The following ERC1 variants were observed in gnomAD, a reference collection of about 807,000 sequenced individuals.
The protein encoded by ERC1 is RAB6 interacting protein 2.
Under a neutral mutation model 132.0 loss-of-function variants are expected in ERC1, and 56 were observed. That is an observed-to-expected ratio of 0.42 (90% CI 0.34 to 0.53). The LOEUF is 0.53. Ranked by LOEUF, ERC1 falls within the 20% of genes least tolerant of loss-of-function variation. The probability of loss-of-function intolerance (pLI) is 0.03; values close to 1 mark genes in which losing one functional copy is unlikely to be tolerated. For missense variants in ERC1, 1,202 were observed against 1,349.9 expected (o/e 0.89, Z 1.72); for synonymous variants, 478 against 476.1 (o/e 1.00, Z -0.05).
chr12:1,222,224 C>CTTTTTTTTTT (rs398116013), intron 12 of ERC1, among the ~76,000 whole-genome samples: 1 of 145,958 alleles, frequency 6.9e-6, no homozygotes, highest in Non-Finnish European at 1.5e-5. Flanking sequence ...TACATATTCT[C>CTTTTTTTTTT]TTTTTTTTTT....
intron 17 of ERC1, among the ~76,000 whole-genome samples, chr12:1,409,991 G>A (rs983809747): frequency 2.5e-4 from 38 of 152,202 alleles, no homozygotes; most frequent in African/African-American, 8.4e-4. Flanking sequence ...TTACAGGTAT[G>A]AGCCACCATA....
At chr12:1,136,722 T>C (rs904678762) in intron 7 of ERC1, among the ~76,000 whole-genome samples, 2 of 152,228 alleles carry the variant, frequency 1.3e-5, no homozygotes, top group Non-Finnish European at 2.9e-5. Context: ...TCTGTTACTT[T>C]ATGCCAAGCA....
chr12:1,148,326 A>G (rs1235427623), intron 8 of ERC1, among the ~76,000 whole-genome samples: 3 of 152,140 alleles, frequency 2.0e-5, no homozygotes, highest in Non-Finnish European at 4.4e-5. Flanking sequence ...TAATCATGGC[A>G]GAAGGTGAAG....
At chr12:1,469,924 G>T (rs560958837) in intron 18 of ERC1, among the ~76,000 whole-genome samples, 3 of 144,744 alleles carry the variant, frequency 2.1e-5, no homozygotes, top group African/African-American at 7.7e-5. Context: ...TCCCTGTGGT[G>T]TGCCATGAAC....
intron 13 of ERC1, among the ~76,000 whole-genome samples, chr12:1,254,943 CTT>C (rs59417058): frequency 7.9e-5 from 11 of 139,784 alleles, no homozygotes; most frequent in African/African-American, 2.1e-4. Flanking sequence ...CTCAAATCCA[CTT>C]TTTTTTTTTT....
At chr12:1,218,847 C>G (rs1314088136) in intron 12 of ERC1, among the ~76,000 whole-genome samples, 3 of 151,322 alleles carry the variant, frequency 2.0e-5, no homozygotes, top group Non-Finnish European at 2.9e-5. Flanking sequence ...CACACACACA[C>G]ACACACACAT....
At chr12:1,440,428 G>A (rs58573421) in intron 17 of ERC1, among the ~76,000 whole-genome samples, 2,269 of 149,126 alleles carry the variant, frequency 0.015, 39 homozygotes, top group Non-Finnish European at 0.02. Flanking sequence ...GGATGGTCTC[G>A]ATCTCCTGAC....
chr12:1,002,290 C>T (rs563907559), intron 1 of ERC1, among the ~76,000 whole-genome samples: 16 of 149,602 alleles, frequency 1.1e-4, no homozygotes, highest in South Asian at 6.4e-4. Flanking sequence ...CCTCCCACCT[C>T]GGCCTCCCAA....
At chr12:1,105,626 G>T (rs1029666322) in intron 4 of ERC1, among the ~76,000 whole-genome samples, 2 of 152,024 alleles carry the variant, frequency 1.3e-5, no homozygotes, top group African/African-American at 4.8e-5. Flanking sequence ...CAAAGTGCTG[G>T]GATTACAGGT....
At chr12:1,334,662 C>T (rs1466653721) in intron 15 of ERC1, among the ~76,000 whole-genome samples, 2 of 152,122 alleles carry the variant, frequency 1.3e-5, no homozygotes, top group African/African-American at 4.8e-5. Flanking sequence ...AGTCAGGTAG[C>T]GTGATGCCTC....
At position 1,036,222 on chromosome 12, in the gene ERC1, G is replaced by A. The variant is rs372298597; in HGVS notation, c.669+7650G>A. On this transcript the variant is annotated intron_variant, in intron 2 of 18. Transcript: ENST00000360905. ...TTTACTTAGGAATCGAGAATTTCTA[G>A]TTCAGAACTGCAAAAAGATAACCTT... is the stretch of plus-strand genomic sequence containing the variant. Among the ~76,000 whole-genome samples the A allele has an allele frequency of 5.5e-4, 84 of 151,598 alleles. 2 individuals carry two copies. The South Asian group carries it at 0.016, about 30-fold the overall frequency.
chr12:1,270,937 C>T (rs1326613272), intron 14 of ERC1, among the ~76,000 whole-genome samples: 1 of 151,940 alleles, frequency 6.6e-6, no homozygotes, highest in African/African-American at 2.4e-5. Flanking sequence ...TTGTCCTTAA[C>T]GGTTTTTGAA....
chr12:1,190,256 T>G lies in ERC1; in HGVS notation c.2351+204T>G, dbSNP rs574997172. The stretch of plus-strand genomic sequence containing the variant: ...AAGGCAACATAGAATGGGAATAAAT[T>G]GGGAAGCTATGGGCTGTAACATAAT... On this transcript the variant is annotated intron_variant, in intron 12 of 18. Coordinates refer to ENST00000360905, the MANE Select transcript of ERC1 (RefSeq NM_178040.4). 71 of 709,882 alleles carry G rather than the reference T, an allele frequency of 1.0e-4. 3 individuals carry two copies. Among genetic ancestry groups the G allele is most frequent in the South Asian group, 9.5e-4 (69 of 72,982 alleles). 44.0% of individuals were successfully genotyped at this position (709,882 alleles called of 1,614,324 possible).
At chr12:1,016,635 C>CTTTTTT (rs397967271) in intron 1 of ERC1, among the ~76,000 whole-genome samples, 16 of 128,024 alleles carry the variant, frequency 1.2e-4, no homozygotes, top group African/African-American at 2.0e-4. Context: ...CTTTTCTTTT[C>CTTTTTT]TTTTTTTTTT....
chr12:1,388,899 A>T (rs2089683309), intron 16 of ERC1, among the ~76,000 whole-genome samples: 1 of 152,200 alleles, frequency 6.6e-6, no homozygotes, highest in Non-Finnish European at 1.5e-5. Flanking sequence ...TTGGTTACAC[A>T]AAGTCCACCG....
At chr12:1,151,555 C>G (rs895328425) in intron 8 of ERC1, among the ~76,000 whole-genome samples, 5 of 152,210 alleles carry the variant, frequency 3.3e-5, no homozygotes, top group African/African-American at 1.2e-4. Flanking sequence ...CAATTCAGGT[C>G]ATTATTCTCC....
intron 16 of ERC1, among the ~76,000 whole-genome samples, chr12:1,401,347 A>G (rs2091051307): frequency 6.6e-6 from 1 of 152,236 alleles, no homozygotes; most frequent in East Asian, 1.9e-4. Context: ...AGAAGAAGAA[A>G]TGCTGTAGCA....
chr12:1,003,096 C>CAAAAAAAAAAAAAAAAAAAAAACAAAA (rs59507923), intron 1 of ERC1, among the ~76,000 whole-genome samples: 1 of 86,922 alleles, frequency 1.2e-5, no homozygotes, highest in Admixed American at 1.5e-4. Context: ...ATGAAAAATG[C>CAAAAAAAAAAAAAAAAAAAAAACAAAA]AAAAAAAAAA....
intron 8 of ERC1, among the ~76,000 whole-genome samples, chr12:1,179,211 C>A (rs577543199): frequency 2.0e-5 from 3 of 152,156 alleles, no homozygotes; most frequent in Non-Finnish European, 2.9e-5. Context: ...TGAACTGATA[C>A]AAACTCTAAT....
Sources: gnomAD v4.1 joint callset for allele counts (sites outside exome capture counted in the v4.1 genomes callset) on GRCh38, gnomAD v4.1.1 for gene constraint, MANE v1.5 for transcripts, NCBI Gene and HGNC (gene_info 2026-07-23, HGNC 2026-07-21) for gene names.